The following ZNF215 variants were observed in gnomAD, a reference collection of about 807,000 sequenced individuals.
The protein encoded by ZNF215 is zinc finger protein 215, also known as BWSCR2-associated zinc finger protein 2.
ZNF215 carries 24 observed loss-of-function variants against 27.2 expected under a neutral mutation model. That is an observed-to-expected ratio of 0.88 (90% CI 0.64 to 1.24). The LOEUF is 1.24. ZNF215 is among the 50% of genes most tolerant of loss of function. The pLI is 0.00. For synonymous variants in ZNF215, 210 were observed against 204.0 expected, an observed-to-expected ratio of 1.03 and a Z score of -0.25; for missense variants, 675 against 605.7, an observed-to-expected ratio of 1.11 and a Z score of -1.20.
In ZNF215 at chr11:6,957,919, C is replaced by CA. The variant is rs1850429726; in HGVS notation, c.*1394dup. ...CCAAGAAGTATGACTTAATCTGCCC[C>CA]AAAAAATTCACACTGGAGACATTCC... is the stretch of plus-strand genomic sequence containing the variant. On this transcript the variant is annotated 3_prime_UTR_variant, in exon 7 of 7. Coordinates refer to ENST00000278319, the MANE Select transcript of ZNF215 (RefSeq NM_013250.4). 2 of 985,224 alleles carry CA rather than the reference C, an allele frequency of 2.0e-6. No homozygotes were observed. The highest frequency in any genetic ancestry group is 2.4e-6 in the Non-Finnish European group (2 of 829,922). The allele number at this position is 985,224 out of a possible 1,614,324, so 61.0% of individuals were successfully genotyped here.
At chr11:6,945,200 A>G (rs1444964827) in intron 6 of ZNF215, among the ~76,000 whole-genome samples, 1 of 151,874 alleles carries the variant, frequency 6.6e-6, no homozygotes, top group Non-Finnish European at 1.5e-5. Flanking sequence ...TAGGCAAATT[A>G]CTCTTTTCTT....
downstream of ZNF215, among the ~76,000 whole-genome samples, chr11:6,959,425 G>T (rs1850469692): frequency 6.6e-6 from 1 of 152,174 alleles, no homozygotes; most frequent in Non-Finnish European, 1.5e-5. Context: ...AGATAAAATT[G>T]TTGTTAATTC....
chr11:6,988,207 C>G, downstream of ZNF215: 1 of 985,406 alleles, frequency 1.0e-6, no homozygotes, highest in Non-Finnish European at 1.2e-6. Flanking sequence ...TTCTTCCTCA[C>G]ATCGATAGGG....
chr11:6,980,607 T>TTTATTA (rs76218427), intron 5 of ZNF215, among the ~76,000 whole-genome samples: 1 of 150,844 alleles, frequency 6.6e-6, no homozygotes, highest in Non-Finnish European at 1.5e-5. Flanking sequence ...TAGTTTACTT[T>TTTATTA]TTATTATTAT....
intron 5 of ZNF215, among the ~76,000 whole-genome samples, chr11:6,974,993 A>G (rs1263207767): frequency 2.0e-5 from 3 of 152,100 alleles, no homozygotes. Flanking sequence ...GAATGCTTTA[A>G]GTTTTTGTCC....
intron 5 of ZNF215, among the ~76,000 whole-genome samples, chr11:6,980,987 A>G (rs1447138424): frequency 3.3e-5 from 5 of 149,406 alleles, no homozygotes; most frequent in Non-Finnish European, 7.5e-5. Context: ...TATGTGCCAC[A>G]TTTTCTTAAT....
chr11:6,971,537 TAATA>T (rs1850717443), intron 5 of ZNF215, among the ~76,000 whole-genome samples: 1 of 152,202 alleles, frequency 6.6e-6, no homozygotes, highest in African/African-American at 2.4e-5. Context: ...AAATGCTGAC[TAATA>T]AATGCCTATC....
At chr11:6,952,254 T>C (rs914147956) in intron 6 of ZNF215, among the ~76,000 whole-genome samples, 2 of 152,220 alleles carry the variant, frequency 1.3e-5, no homozygotes, top group African/African-American at 4.8e-5. Flanking sequence ...TTAGGTCTGC[T>C]TGGTGCAGAG....
In ZNF215 at chr11:6,937,556, A is replaced by T. The variant is rs117453065; in HGVS notation, c.401-4015A>T. Among the ~76,000 whole-genome samples, 1,157 of 149,034 alleles carry T rather than the reference A, an allele frequency of 7.8e-3. 13 individuals carry two copies. The highest frequency in any genetic ancestry group is 0.042 in the South Asian group (200 of 4,724). On this transcript the variant is annotated intron_variant, in intron 3 of 6. Transcript: ENST00000278319. ...TCCTAAAATTCATAAGGAATTGGAA[A>T]GGACCCAAGATAGTCAAACTGCCTT... is the stretch of plus-strand genomic sequence containing the variant.
At chr11:6,964,361 C>T (rs897916887) in intron 5 of ZNF215, among the ~76,000 whole-genome samples, 2 of 151,938 alleles carry the variant, frequency 1.3e-5, no homozygotes, top group African/African-American at 4.8e-5. Context: ...AAATATTTCT[C>T]CTGTTTTCTT....
rs1849900566 is a variant in ZNF215, at chr11:6,948,346, A to G, written c.712+4705A>G. On this transcript the variant is annotated intron_variant, in intron 6 of 6. Transcript: ENST00000278319. ...TTCTCTCTCTGAAGACTTGTGAATT[A>G]AAGGAACAAGCTATCTGCCCCCACA... Among the ~76,000 whole-genome samples, 4 of 152,206 alleles carry G rather than the reference A, an allele frequency of 2.6e-5. No individual in the cohort carries two copies. In the South Asian group the frequency reaches 8.3e-4, roughly 32 times the overall value.
chr11:6,969,246 G>T (rs1489266408), intron 5 of ZNF215, among the ~76,000 whole-genome samples: 1 of 152,048 alleles, frequency 6.6e-6, no homozygotes, highest in Admixed American at 6.6e-5. Flanking sequence ...AAACTTGTAA[G>T]CTGTGAAAGA....
rs960311686 is a variant in ZNF215, at chr11:6,957,212, A to G, written c.*681A>G. On this transcript the variant is annotated 3_prime_UTR_variant, in exon 7 of 7. Coordinates refer to ENST00000278319, the MANE Select transcript of ZNF215 (RefSeq NM_013250.4). ...TGAAAAATGTTTTTGTTTTGTTATA[A>G]TGTTATAATTGTTATGATGTTGATG... is the stretch of plus-strand genomic sequence containing the variant. The G allele has an allele frequency of 2.0e-6, 2 of 982,262 alleles. No homozygotes were observed. The highest frequency in any genetic ancestry group is 2.4e-6 in the Non-Finnish European group (2 of 827,064). 60.8% of individuals were successfully genotyped at this position (982,262 alleles called of 1,614,324 possible).
intron 6 of ZNF215, among the ~76,000 whole-genome samples, chr11:6,953,231 A>G (rs902421212): frequency 1.1e-4 from 17 of 152,136 alleles, no homozygotes; most frequent in Admixed American, 1.3e-4. Flanking sequence ...GCTCTTCTCA[A>G]GGAGTATGTT....
chr11:6,929,864 G>A lies in ZNF215; in HGVS notation c.-180+2057G>A, dbSNP rs753872520. On this transcript the variant is annotated intron_variant, in intron 2 of 6. Coordinates refer to ENST00000278319, the MANE Select transcript of ZNF215 (RefSeq NM_013250.4). Reference sequence around the variant, plus strand: ...GGGGTGGGGAGTTATGCTGTACCTCGTGAATGGCTGAGAATTTGCATAAAT... The same window carrying A: ...GGGGTGGGGAGTTATGCTGTACCTCATGAATGGCTGAGAATTTGCATAAAT... 6.6e-5 allele frequency among the ~76,000 whole-genome samples: 10 copies of A among 151,622 alleles called. No homozygotes were observed. In the South Asian group the frequency reaches 8.3e-4, roughly 13 times the overall value.
downstream of ZNF215, among the ~76,000 whole-genome samples, chr11:6,989,667 C>T (rs1851097025): frequency 6.6e-6 from 1 of 152,190 alleles, no homozygotes; most frequent in African/African-American, 2.4e-5. Context: ...TCTTCCTAAA[C>T]TTGTATCCAT....
intron 3 of ZNF215, among the ~76,000 whole-genome samples, chr11:6,941,135 C>T (rs187331960): frequency 5.2e-4 from 79 of 152,262 alleles, no homozygotes; most frequent in African/African-American, 1.8e-3. Context: ...GAGCAACTTA[C>T]AGGAAAACAA....
At position 6,945,767 on chromosome 11, in the gene ZNF215, T is replaced by A. The variant is rs145417298; in HGVS notation, c.712+2126T>A. ...AATTTCAGAGTTTGTCAATATTTAA[T>A]CTTGTTTTGTCTTCTCTTCTTGCTC... On this transcript the variant is annotated intron_variant, in intron 6 of 6. Coordinates refer to ENST00000278319, the MANE Select transcript of ZNF215 (RefSeq NM_013250.4). 1.8e-4 allele frequency among the ~76,000 whole-genome samples: 28 copies of A among 152,354 alleles called. No homozygotes were observed. In the East Asian group the frequency reaches 5.2e-3, roughly 28 times the overall value.
chr11:6,956,975 A>T lies in ZNF215; in HGVS notation c.*444A>T. ...CAAGAAATCATTAGCTCATGCGAAT[A>T]TAAGAGAATACTTCTAAGGACAGAA... On this transcript the variant is annotated 3_prime_UTR_variant, in exon 7 of 7. Transcript: ENST00000278319. The T allele has an allele frequency of 1.0e-6, 1 of 989,080 alleles. No individual in the cohort carries two copies. Among genetic ancestry groups the T allele is most frequent in the Non-Finnish European group, 1.2e-6 (1 of 832,124 alleles). 61.3% of individuals were successfully genotyped at this position (989,080 alleles called of 1,614,324 possible).
Sources: gnomAD v4.1 joint callset for allele counts (sites outside exome capture counted in the v4.1 genomes callset) on GRCh38, gnomAD v4.1.1 for gene constraint, MANE v1.5 for transcripts, NCBI Gene and HGNC (gene_info 2026-07-23, HGNC 2026-07-21) for gene names.